ZNF528: variants seen among roughly 807,000 people sequenced by gnomAD.
ZNF528 encodes the protein zinc finger protein 528.
ZNF528 carries 9 observed loss-of-function variants against 13.3 expected under a neutral mutation model. The ratio of observed to expected loss-of-function variants is 0.67; its 90% CI spans 0.41 to 1.18. The LOEUF (loss-of-function observed/expected upper bound fraction) is 1.18. Among genes scored for constraint, ZNF528 ranks in the 50% most tolerant of loss-of-function variants. The pLI, the probability that ZNF528 is intolerant of heterozygous loss-of-function variation, is 0.01. For synonymous variants in ZNF528, 264 were observed against 254.3 expected (o/e 1.04, Z -0.36); for missense variants, 858 against 745.4 (o/e 1.15, Z -1.76).
chr19:52,414,367 A>G, intron 6 of ZNF528: 2 of 701,562 alleles, frequency 2.9e-6, no homozygotes, highest in South Asian at 3.0e-5. Flanking sequence ...TAAAAGACAA[A>G]GGTGTATATT....
At chr19:52,410,462 A>G (rs892963152) in intron 6 of ZNF528, among the ~76,000 whole-genome samples, 3 of 152,186 alleles carry the variant, frequency 2.0e-5, no homozygotes, top group Admixed American at 6.5e-5. Context: ...GTGCCAGGGA[A>G]TGATTGCCTC....
intron 6 of ZNF528, chr19:52,412,390 G>T (rs2122576657): frequency 6.6e-6 from 1 of 152,252 alleles, no homozygotes; most frequent in East Asian, 1.9e-4. Flanking sequence ...TCTTGGTAAA[G>T]GTCCTCAAAT....
In ZNF528 at chr19:52,416,320, G is replaced by A; in HGVS notation, c.1468G>A (p.Glu490Lys). 1 of 1,614,128 alleles carries A rather than the reference G, an allele frequency of 6.2e-7. No individual in the cohort carries two copies. Among genetic ancestry groups the A allele is most frequent in the Non-Finnish European group, 8.5e-7 (1 of 1,179,992 alleles). The change falls in exon 7 of 7, where the codon GAG becomes AAG. Residue 490 changes from glutamate (E) to lysine (K), a missense_variant. Physicochemically the swap from Glu to Lys is moderately conservative, Grantham distance 56 (BLOSUM62 1). Coordinates refer to ENST00000360465, the MANE Select transcript of ZNF528 (RefSeq NM_032423.3). ...LTSHHRIHTG[E>K]KPYKCNRCGK... ...CAGTCATCATAGAATTCATACTGGA[G>A]AGAAGCCTTACAAATGTAACAGATG...
chr19:52,415,024 C>T, intron 6 of ZNF528, 100 bp from the exon 7 acceptor site: 1 of 1,577,184 alleles, frequency 6.3e-7, no homozygotes, highest in Non-Finnish European at 8.6e-7. Flanking sequence ...GATACTCCTA[C>T]CAATGTCTGA....
chr19:52,410,048 C>A (rs1187372361), intron 6 of ZNF528, among the ~76,000 whole-genome samples: 1 of 152,054 alleles, frequency 6.6e-6, no homozygotes, highest in Non-Finnish European at 1.5e-5. Flanking sequence ...GTTATCCATC[C>A]CCCCTTGGTT....
intron 5 of ZNF528, 122 bp downstream of exon 5, chr19:52,406,155 T>C (rs1215928545): frequency 4.7e-6 from 6 of 1,271,202 alleles, no homozygotes; most frequent in African/African-American, 3.0e-5. Flanking sequence ...TGACTCAGAA[T>C]TGAAAAACTG....
intron 3 of ZNF528, 69 bp downstream of exon 3, chr19:52,401,822 G>T: frequency 6.6e-7 from 1 of 1,521,194 alleles, no homozygotes; most frequent in Admixed American, 2.1e-5. Flanking sequence ...GGATAAATCA[G>T]ACCTATGTAG....
At chr19:52,406,177 C>A (rs2058853631) in intron 5 of ZNF528, 144 bp downstream of exon 5, 1 of 1,152,212 alleles carries the variant, frequency 8.7e-7, no homozygotes, top group East Asian at 2.5e-5. Flanking sequence ...ATTACACTTT[C>A]TGGACTTGAA....
intron 6 of ZNF528, chr19:52,408,493 A>G (rs1177792188): frequency 6.6e-6 from 1 of 152,156 alleles, no homozygotes; most frequent in Admixed American, 6.5e-5. Context: ...GTAGGAAAGA[A>G]TTAAAAGTCA....
Position 52,416,143 on chromosome 19 carries a change from C to T in ZNF528, c.1291C>T (p.His431Tyr). The T allele has an allele frequency of 6.2e-7, 1 of 1,614,080 alleles. No individual in the cohort carries two copies. Among genetic ancestry groups the T allele is most frequent in the Middle Eastern group, 1.6e-4 (1 of 6,062 alleles). ...AGACCTTATACGACATCGAAAAACT[C>T]ATACTGATGAGAAGCCTTACAAATG... Reference protein sequence around the residue: ...KSDLIRHRKTHTDEKPYKCNK... With the variant: ...KSDLIRHRKTYTDEKPYKCNK... Residue 431 changes from histidine (H) to tyrosine (Y), a missense_variant, in exon 7 of 7, where the codon CAT becomes TAT. Physicochemically the swap from His to Tyr is moderately conservative, Grantham distance 83. Coordinates refer to ENST00000360465, the MANE Select transcript of ZNF528 (RefSeq NM_032423.3).
rs923897417 is a variant in ZNF528, at chr19:52,416,208, T to C, written c.1356T>C (p.Leu452=). 1.9e-6 allele frequency: 3 copies of C among 1,613,380 alleles called. No individual in the cohort carries two copies. The African/African-American group carries it at 4.0e-5, about 22-fold the overall frequency. ...CGTAFREFSD[L]TAHFLIHSGE... ...CAGCGTTTAGAGAGTTTTCAGACCTTACTGCCCATTTTCTAATCCATAGTG... is the reference window on the plus strand; with the variant it reads ...CAGCGTTTAGAGAGTTTTCAGACCTCACTGCCCATTTTCTAATCCATAGTG... Residue 452 remains leucine (L), a synonymous_variant, in exon 7 of 7, where the codon CTT becomes CTC. Coordinates refer to ENST00000360465, the MANE Select transcript of ZNF528 (RefSeq NM_032423.3).
intron 6 of ZNF528, among the ~76,000 whole-genome samples, chr19:52,407,551 A>G (rs1348356450): frequency 1.3e-5 from 2 of 151,562 alleles, no homozygotes; most frequent in Admixed American, 1.3e-4. Flanking sequence ...TGAGGCAGGC[A>G]GATCACTTGA....
chr19:52,414,463 G>A, intron 6 of ZNF528: 1 of 596,940 alleles, frequency 1.7e-6, no homozygotes, highest in Non-Finnish European at 3.0e-6. Context: ...AAAGGAGATG[G>A]TGGCAGGGGG....
In ZNF528 at chr19:52,416,419, T is replaced by C. The variant is rs1186936647; in HGVS notation, c.1567T>C (p.Cys523Arg). 6.2e-7 allele frequency: 1 copy of C among 1,614,032 alleles called. No individual in the cohort carries two copies. The highest frequency in any genetic ancestry group is 8.5e-7 in the Non-Finnish European group (1 of 1,180,034). Residue 523 changes from cysteine (C) to arginine (R), a missense_variant, in exon 7 of 7, where the codon TGT becomes CGT. By Grantham distance (180) the Cys-to-Arg change is radical. Coordinates refer to ENST00000360465, the MANE Select transcript of ZNF528 (RefSeq NM_032423.3). ...KIHTGEKPYK[C>R]NQCGKVFNQA... Reference sequence around the variant, plus strand: ...TCATACAGGAGAAAAGCCTTACAAATGTAATCAATGTGGCAAGGTCTTTAA... The same window carrying C: ...TCATACAGGAGAAAAGCCTTACAAACGTAATCAATGTGGCAAGGTCTTTAA...
In ZNF528 at chr19:52,415,349, AT is replaced by A. The variant is rs761076852; in HGVS notation, c.501del (p.Phe167LeufsTer39). On this transcript the variant is annotated frameshift_variant, in exon 7 of 7. Transcript: ENST00000360465. LOFTEE classifies it low-confidence loss of function (END_TRUNC). ...KSHLLNKYRNNFDHAPLLPQE... is the reference protein window; with the variant it reads ...KSHLLNKYRNXFDHAPLLPQE... Reference sequence around the variant, plus strand: ...CACCTTTTAAATAAATATAGAAATAATTTTGATCATGCTCCATTACTTCCAC... The same window carrying A: ...CACCTTTTAAATAAATATAGAAATAATTTGATCATGCTCCATTACTTCCAC... 3.7e-6 allele frequency: 6 copies of A among 1,612,034 alleles called. No homozygotes were observed. The African/African-American group carries it at 8.0e-5, about 22-fold the overall frequency.
intron 6 of ZNF528, chr19:52,412,018 T>C (rs2058936822): frequency 6.6e-6 from 1 of 152,240 alleles, no homozygotes; most frequent in South Asian, 2.1e-4. Flanking sequence ...TGGGGGCCAG[T>C]CTTTACTGGA....
At chr19:52,402,409 CTTTT>C (rs1005929192) in intron 4 of ZNF528, 1 of 224,870 alleles carries the variant, frequency 4.4e-6, no homozygotes, top group Non-Finnish European at 8.6e-6. Context: ...TTTCTTCTTT[CTTTT>C]TTTTTTTTGA....
intron 6 of ZNF528, among the ~76,000 whole-genome samples, chr19:52,410,062 C>T (rs2058910811): frequency 6.6e-6 from 1 of 152,120 alleles, no homozygotes; most frequent in African/African-American, 2.4e-5. Context: ...CTTGGTTTCC[C>T]AAAGTGCTGG....
rs2059000500 is a variant in ZNF528, at chr19:52,416,148, T to C, written c.1296T>C (p.Thr432=). 1.9e-6 allele frequency: 3 copies of C among 1,614,084 alleles called. No homozygotes were observed. Among genetic ancestry groups the C allele is most frequent in the African/African-American group, 1.3e-5 (1 of 75,054 alleles). Residue 432 remains threonine (T), a synonymous_variant, in exon 7 of 7, where the codon ACT becomes ACC. Transcript: ENST00000360465. The part of the protein sequence containing the change: ...SDLIRHRKTH[T]DEKPYKCNKC... ...TTATACGACATCGAAAAACTCATAC[T>C]GATGAGAAGCCTTACAAATGTAATA...
Sources: allele counts gnomAD v4.1 joint callset (sites outside exome capture counted in the v4.1 genomes callset), GRCh38; gene constraint gnomAD v4.1.1; transcripts MANE v1.5; gene names NCBI Gene and HGNC (gene_info 2026-07-23, HGNC 2026-07-21).